SH2D4B: variants seen among roughly 807,000 people sequenced by gnomAD.
SH2D4B encodes SH2 domain-containing protein 4B.
In SH2D4B, 45 loss-of-function variants were observed where a neutral mutation model predicts 61.5. The ratio of observed to expected loss-of-function variants is 0.73; its 90% CI spans 0.58 to 0.94. SH2D4B has a LOEUF of 0.94. SH2D4B is among the 40% of genes least tolerant of loss of function. SH2D4B has a pLI of 0.00. For synonymous variants in SH2D4B, 224 were observed against 220.4 expected (o/e 1.02, Z -0.14); for missense variants, 572 against 574.2 (o/e 1.00, Z 0.04).
rs573912357 is a variant in SH2D4B, at chr10:80,593,999, G to A, written c.643+5222G>A. Among the ~76,000 whole-genome samples the A allele has an allele frequency of 6.6e-5, 10 of 152,064 alleles. No individual in the cohort carries two copies. The East Asian group carries it at 9.7e-4, about 15-fold the overall frequency. On this transcript the variant is annotated intron_variant, in intron 4 of 7. Coordinates refer to ENST00000646907, the MANE Select transcript of SH2D4B (RefSeq NM_001388272.1). ...TAATTTATATATATATATTTTTAGC[G>A]ACGGGGTTTTGCCATGTTGCCCAGT...
At chr10:80,544,799 C>A (rs940365569) in intron 1 of SH2D4B, among the ~76,000 whole-genome samples, 6 of 152,258 alleles carry the variant, frequency 3.9e-5, no homozygotes, top group Non-Finnish European at 8.8e-5. Context: ...GCTCACGTAT[C>A]CCCCTGCCTC....
intron 6 of SH2D4B, among the ~76,000 whole-genome samples, chr10:80,614,056 A>AC (rs1457728195): frequency 6.6e-6 from 1 of 152,182 alleles, no homozygotes; most frequent in African/African-American, 2.4e-5. Context: ...GAGGAACAGA[A>AC]CCACCCCCTC....
rs777438324 is a variant in SH2D4B, at chr10:80,644,115, G to A, written c.*30G>A. On this transcript the variant is annotated 3_prime_UTR_variant, in exon 8 of 8. Transcript: ENST00000646907. The stretch of plus-strand genomic sequence containing the variant: ...TTTCCTTATCAATTGGATTCATTTT[G>A]GTATCCTGTTTTTGAACTCAGCTTA... The A allele has an allele frequency of 2.5e-6, 4 of 1,574,608 alleles. No individual in the cohort carries two copies. In the South Asian group the frequency reaches 3.3e-5, roughly 13 times the overall value.
chr10:80,621,749 T>C (rs1842719140), intron 6 of SH2D4B, among the ~76,000 whole-genome samples: 1 of 152,198 alleles, frequency 6.6e-6, no homozygotes. Context: ...GCTGGTCTGA[T>C]TTCCAGCACA....
At chr10:80,599,773 A>C (rs529509961) in intron 4 of SH2D4B, among the ~76,000 whole-genome samples, 1 of 152,142 alleles carries the variant, frequency 6.6e-6, no homozygotes, top group African/African-American at 2.4e-5. Flanking sequence ...TTCTTCCACC[A>C]AGGGACCATG....
intron 1 of SH2D4B, among the ~76,000 whole-genome samples, chr10:80,543,330 C>A (rs1564763494): frequency 6.6e-6 from 1 of 152,260 alleles, no homozygotes; most frequent in Middle Eastern, 3.4e-3. Flanking sequence ...TGGGCGGACC[C>A]CGCACTCGGA....
At chr10:80,609,635 AG>A in intron 6 of SH2D4B, 84 bp downstream of exon 6, 2 of 1,587,650 alleles carry the variant, frequency 1.3e-6, no homozygotes, top group Non-Finnish European at 1.7e-6. Context: ...GCTGAAGGAC[AG>A]TTATAATCAG....
In SH2D4B at chr10:80,645,229, G is replaced by T. The variant is rs1007486618; in HGVS notation, c.*1144G>T. 6.6e-6 allele frequency: 1 copy of T among 152,164 alleles called. No individual in the cohort carries two copies. The highest frequency in any genetic ancestry group is 6.5e-5 in the Admixed American group (1 of 15,274). 9.4% of individuals were successfully genotyped at this position (152,164 alleles called of 1,614,324 possible). A position where few individuals can be genotyped will look rare whatever the true frequency, so the allele number is the denominator to read the frequency against. The stretch of plus-strand genomic sequence containing the variant: ...TGTTAGGGAACGATTTACTTTACCC[G>T]ATGGCTGTATCAAACATCTATGCCC... On this transcript the variant is annotated 3_prime_UTR_variant, in exon 8 of 8. Coordinates refer to ENST00000646907, the MANE Select transcript of SH2D4B (RefSeq NM_001388272.1).
At chr10:80,566,301 T>C (rs990452553) in intron 1 of SH2D4B, among the ~76,000 whole-genome samples, 2 of 149,422 alleles carry the variant, frequency 1.3e-5, no homozygotes, top group African/African-American at 2.4e-5. Flanking sequence ...CAATTTCTTT[T>C]TTTTTTTTTT....
intron 6 of SH2D4B, among the ~76,000 whole-genome samples, chr10:80,633,910 T>G (rs938387348): frequency 4.6e-5 from 7 of 152,238 alleles, no homozygotes; most frequent in Non-Finnish European, 1.0e-4. Flanking sequence ...GCAGGCCTCT[T>G]AAGGCTTTTC....
intron 4 of SH2D4B, among the ~76,000 whole-genome samples, chr10:80,597,204 A>C (rs1651122825): frequency 6.6e-6 from 1 of 152,178 alleles, no homozygotes; most frequent in Non-Finnish European, 1.5e-5. Flanking sequence ...TCCTTGAACC[A>C]ATCCCCTGAG....
intron 1 of SH2D4B, among the ~76,000 whole-genome samples, chr10:80,559,961 T>C (rs1841882974): frequency 6.6e-6 from 1 of 151,664 alleles, no homozygotes; most frequent in Non-Finnish European, 1.5e-5. Flanking sequence ...TCTTGCTATA[T>C]AGTACTGTAT....
chr10:80,596,020 C>A (rs1842380766), intron 4 of SH2D4B, among the ~76,000 whole-genome samples: 1 of 152,170 alleles, frequency 6.6e-6, no homozygotes, highest in Admixed American at 6.5e-5. Flanking sequence ...TATTCAGGAC[C>A]ATGCCTCCTT....
At chr10:80,573,157 T>A (rs1842084273) in intron 3 of SH2D4B, among the ~76,000 whole-genome samples, 1 of 148,532 alleles carries the variant, frequency 6.7e-6, no homozygotes, top group Admixed American at 6.7e-5. Context: ...GCTAATTTTT[T>A]TTTTGTATTT....
In SH2D4B at chr10:80,634,314, C is replaced by T. The variant is rs924599232; in HGVS notation, c.1018C>T (p.Leu340Phe). The T allele has an allele frequency of 2.0e-6, 3 of 1,538,102 alleles. No individual in the cohort carries two copies. The highest frequency in any genetic ancestry group is 1.7e-4 in the Middle Eastern group (1 of 5,934). ...GIISREDAEA[L>F]LENMTEGAFL... is the part of the protein sequence containing the mutation. ...TATTAGCCGAGAAGATGCAGAAGCTCTCCTGGAGAACATGACTGAGGGAGC... is the reference window on the plus strand; with the variant it reads ...TATTAGCCGAGAAGATGCAGAAGCTTTCCTGGAGAACATGACTGAGGGAGC... Residue 340 changes from leucine (L) to phenylalanine (F), a missense_variant, in exon 7 of 8, where the codon CTC becomes TTC. Physicochemically the swap from Leu to Phe is conservative, Grantham distance 22 (BLOSUM62 0). Coordinates refer to ENST00000646907, the MANE Select transcript of SH2D4B (RefSeq NM_001388272.1).
chr10:80,637,417 T>C (rs1055699834), intron 7 of SH2D4B, among the ~76,000 whole-genome samples: 2 of 152,246 alleles, frequency 1.3e-5, no homozygotes, highest in Non-Finnish European at 2.9e-5. Context: ...TTTCTATCCA[T>C]GAGCATGGAA....
intron 4 of SH2D4B, 131 bp from the exon 5 acceptor site, chr10:80,603,448 A>G: frequency 3.6e-6 from 3 of 822,606 alleles, no homozygotes; most frequent in Non-Finnish European, 5.6e-6. Context: ...AGGTTGGTGC[A>G]AAAGTCATCG....
intron 6 of SH2D4B, among the ~76,000 whole-genome samples, chr10:80,632,473 T>C (rs1299621479): frequency 6.6e-6 from 1 of 152,172 alleles, no homozygotes; most frequent in Non-Finnish European, 1.5e-5. Flanking sequence ...TCGTATATAA[T>C]TTGACTGTAG....
intron 3 of SH2D4B, among the ~76,000 whole-genome samples, chr10:80,582,619 G>A (rs1198670875): frequency 6.6e-6 from 1 of 152,184 alleles, no homozygotes; most frequent in African/African-American, 2.4e-5. Flanking sequence ...GAAACAGGGA[G>A]TCGGGCTCAT....
Sources: gnomAD v4.1 joint callset for allele counts (sites outside exome capture counted in the v4.1 genomes callset) on GRCh38, gnomAD v4.1.1 for gene constraint, MANE v1.5 for transcripts, NCBI Gene and HGNC (gene_info 2026-07-23, HGNC 2026-07-21) for gene names.